The following ANKRD12 variants were observed in gnomAD, a reference collection of about 807,000 sequenced individuals.
ANKRD12 encodes the protein ankyrin repeat domain 12.
ANKRD12 carries 85 observed loss-of-function variants against 183.4 expected under a neutral mutation model. The observed-to-expected ratio is 0.46, with a 90% CI of 0.39 to 0.56. The LOEUF (loss-of-function observed/expected upper bound fraction) is 0.56, where lower values mean the gene tolerates loss of function less well. Among genes scored for constraint, ANKRD12 ranks in the 20% least tolerant of loss-of-function variants. The pLI is 0.00. For synonymous variants in ANKRD12, 914 were observed against 800.2 expected, an observed-to-expected ratio of 1.14 and a Z score of -2.40; for missense variants, 2,405 against 2,357.1, an observed-to-expected ratio of 1.02 and a Z score of -0.42.
At chr18:9,244,568 T>C (rs1281502222) in intron 8 of ANKRD12, among the ~76,000 whole-genome samples, 1 of 152,142 alleles carries the variant, frequency 6.6e-6, no homozygotes, top group Non-Finnish European at 1.5e-5. Flanking sequence ...TCAGAGAACT[T>C]TGTGAAGAGT....
rs1469889281 is a variant in ANKRD12 at position 9,255,428 on chromosome 18, G to GA, written c.2169dup (p.Ser724IlefsTer10). 7.7e-6 allele frequency: 12 copies of GA among 1,564,690 alleles called. No individual in the cohort carries two copies. The Admixed American group carries it at 8.6e-5, about 11-fold the overall frequency. ...TATGGAACATGAATCCTTAACATTA[G>GA]AAAAAAAATCAAAATTGGAAAAAAA... On this transcript the variant is annotated frameshift_variant, in exon 9 of 13. Transcript: ENST00000262126. LOFTEE classifies it high-confidence loss of function.
chr18:9,209,284 A>C (rs941370296), intron 5 of ANKRD12, among the ~76,000 whole-genome samples: 1 of 152,222 alleles, frequency 6.6e-6, no homozygotes, highest in Non-Finnish European at 1.5e-5. Flanking sequence ...AATCCAGGCA[A>C]CTGGCCTGAG....
chr18:9,182,503 A>AG lies in ANKRD12; in HGVS notation c.71_72insG (p.Pro25ThrfsTer7). On this transcript the variant is annotated frameshift_variant, in exon 2 of 13. Transcript: ENST00000262126. LOFTEE classifies it high-confidence loss of function. ...GACAGTGACAGCAATATGGTAGAGA[A>AG]ACCATATGGAAGAAAGGTATATGAT... The AG allele has an allele frequency of 6.2e-7, 1 of 1,606,340 alleles. No individual in the cohort carries two copies. The highest frequency in any genetic ancestry group is 1.1e-5 in the South Asian group (1 of 90,040).
intron 11 of ANKRD12, among the ~76,000 whole-genome samples, chr18:9,278,702 C>T (rs1029673298): frequency 1.3e-5 from 2 of 151,712 alleles, no homozygotes; most frequent in African/African-American, 2.4e-5. Flanking sequence ...GAGGCTGAGG[C>T]GGGAGAATCG....
intron 7 of ANKRD12, among the ~76,000 whole-genome samples, chr18:9,220,105 A>G (rs1206225063): frequency 6.6e-6 from 1 of 152,216 alleles, no homozygotes; most frequent in Non-Finnish European, 1.5e-5. Flanking sequence ...TAATCTAGAA[A>G]AGTTTTTTTC....
At chr18:9,249,357 G>T (rs2038150448) in intron 8 of ANKRD12, among the ~76,000 whole-genome samples, 1 of 152,170 alleles carries the variant, frequency 6.6e-6, no homozygotes, top group Admixed American at 6.5e-5. Flanking sequence ...ATAAAGTGAT[G>T]CTTTGATAAG....
chr18:9,242,221 A>C (rs1044720283), intron 8 of ANKRD12, among the ~76,000 whole-genome samples: 3 of 152,148 alleles, frequency 2.0e-5, no homozygotes, highest in African/African-American at 7.2e-5. Flanking sequence ...GTATTTGCCC[A>C]AAAAATGTAG....
rs373174814 is a variant in ANKRD12, at chr18:9,272,284, C to T, written c.5764-3240C>T. ...GACTTTAGAAAATGTATTTCTTGGC[C>T]GGGCATGGTGGCTCACGCCTGTTAT... On this transcript the variant is annotated intron_variant, in intron 10 of 12. Transcript: ENST00000262126. Among the ~76,000 whole-genome samples the T allele has an allele frequency of 1.0e-3, 154 of 152,130 alleles. 1 individual carries two copies. Among genetic ancestry groups the T allele is most frequent in the African/African-American group, 2.9e-3 (121 of 41,528 alleles).
chr18:9,279,528 A>G (rs748841949), intron 11 of ANKRD12, 21 bp from the exon 12 acceptor site: 1 of 1,390,918 alleles, frequency 7.2e-7, no homozygotes, highest in South Asian at 1.2e-5. Flanking sequence ...GTATTTTATA[A>G]TACTCACTTT....
intron 7 of ANKRD12, among the ~76,000 whole-genome samples, chr18:9,219,719 G>T (rs542761613): frequency 1.1e-4 from 15 of 137,664 alleles, no homozygotes; most frequent in Admixed American, 9.6e-4. Flanking sequence ...CAAGAAAATT[G>T]AAACCAGAGC....
chr18:9,281,174 C>G lies in ANKRD12; in HGVS notation c.*48C>G. 6.7e-7 allele frequency: 1 copy of G among 1,500,548 alleles called. No individual in the cohort carries two copies. Among genetic ancestry groups the G allele is most frequent in the Non-Finnish European group, 9.1e-7 (1 of 1,101,174 alleles). The allele number at this position is 1,500,548 out of a possible 1,614,324, so 93.0% of individuals were successfully genotyped here. On this transcript the variant is annotated 3_prime_UTR_variant, in exon 13 of 13. Coordinates refer to ENST00000262126, the MANE Select transcript of ANKRD12 (RefSeq NM_015208.5). ...TTGTCCTAAACTGGTGATGCTCAAG[C>G]ATTATACTGTGGAATACTGCCTTTT...
intron 1 of ANKRD12, 78 bp downstream of exon 1, chr18:9,137,043 G>GGGA (rs1441941971): frequency 1.3e-5 from 2 of 152,588 alleles, no homozygotes; most frequent in Admixed American, 1.3e-4. Flanking sequence ...CCCGGCGCCA[G>GGGA]GGAGGAGATC....
chr18:9,188,461 A>G (rs867898772), intron 2 of ANKRD12, among the ~76,000 whole-genome samples: 1 of 152,234 alleles, frequency 6.6e-6, no homozygotes, highest in Non-Finnish European at 1.5e-5. Context: ...TGCTCGCAAC[A>G]TGTGCAAAAA....
intron 1 of ANKRD12, among the ~76,000 whole-genome samples, chr18:9,154,337 G>A (rs2030052756): frequency 6.6e-6 from 1 of 152,066 alleles, no homozygotes; most frequent in Non-Finnish European, 1.5e-5. Context: ...TGGGAGGATT[G>A]ATCACTTGAG....
At chr18:9,245,839 C>T (rs184803500) in intron 8 of ANKRD12, among the ~76,000 whole-genome samples, 133 of 152,118 alleles carry the variant, frequency 8.7e-4, no homozygotes, top group African/African-American at 3.0e-3. Flanking sequence ...CAGATACTTA[C>T]GGAAAGGTCA....
chr18:9,261,307 T>C (rs2038952098), intron 9 of ANKRD12, among the ~76,000 whole-genome samples: 1 of 152,234 alleles, frequency 6.6e-6, no homozygotes, highest in African/African-American at 2.4e-5. Flanking sequence ...CATGGTCAAA[T>C]AAGTTTGGGA....
At chr18:9,137,158 G>A (rs1288364502) in intron 1 of ANKRD12, 193 bp downstream of exon 1, 1 of 151,000 alleles carries the variant, frequency 6.6e-6, no homozygotes, top group Non-Finnish European at 1.5e-5. Flanking sequence ...AGCCTGGCCC[G>A]AGCCGTAGCT....
chr18:9,251,958 G>A (rs2038322785), intron 8 of ANKRD12, among the ~76,000 whole-genome samples: 1 of 152,132 alleles, frequency 6.6e-6, no homozygotes, highest in South Asian at 2.1e-4. Flanking sequence ...CGTTTTGTTA[G>A]AAATAATTGT....
intron 1 of ANKRD12, among the ~76,000 whole-genome samples, chr18:9,170,341 C>G (rs1468178958): frequency 6.6e-6 from 1 of 152,218 alleles, no homozygotes; most frequent in Non-Finnish European, 1.5e-5. Flanking sequence ...CCGTCACTTT[C>G]AGGTAAACCA....
Sources: gnomAD v4.1 joint callset for allele counts (sites outside exome capture counted in the v4.1 genomes callset) on GRCh38, gnomAD v4.1.1 for gene constraint, MANE v1.5 for transcripts, NCBI Gene and HGNC (gene_info 2026-07-23, HGNC 2026-07-21) for gene names.